The following SLC4A4 variants were observed in gnomAD, a reference collection of about 807,000 sequenced individuals.
SLC4A4 encodes the protein electrogenic sodium bicarbonate cotransporter 1.
In SLC4A4, 27 loss-of-function variants were observed where a neutral mutation model predicts 111.5. The observed-to-expected ratio is 0.24, with a 90% CI of 0.18 to 0.33. The LOEUF (loss-of-function observed/expected upper bound fraction) is 0.33. SLC4A4 is among the 10% of genes least tolerant of loss of function. SLC4A4 has a pLI of 1.00. For synonymous variants in SLC4A4, 443 were observed against 463.4 expected, an observed-to-expected ratio of 0.96 and a Z score of 0.57; for missense variants, 909 against 1,315.5, an observed-to-expected ratio of 0.69 and a Z score of 4.78.
intron 1 of SLC4A4, among the ~76,000 whole-genome samples, chr4:71,215,903 A>ATTT (rs990635246): frequency 3.9e-5 from 5 of 127,852 alleles, no homozygotes; most frequent in South Asian, 2.5e-4. Context: ...TGTCATTTCT[A>ATTT]TTTTTTTTTT....
chr4:71,082,557 A>G (rs1380887049), intron 1 of SLC4A4, among the ~76,000 whole-genome samples: 1 of 152,102 alleles, frequency 6.6e-6, no homozygotes, highest in Non-Finnish European at 1.5e-5. Flanking sequence ...AAGAGTATCT[A>G]TTTATCTATA....
chr4:71,405,293 G>A (rs1720742358), intron 7 of SLC4A4, among the ~76,000 whole-genome samples: 1 of 152,016 alleles, frequency 6.6e-6, no homozygotes, highest in Non-Finnish European at 1.5e-5. Context: ...ACTGCCATTA[G>A]CAGCTTGATG....
At chr4:71,526,169 G>A (rs1348078013) in intron 16 of SLC4A4, among the ~76,000 whole-genome samples, 1 of 151,940 alleles carries the variant, frequency 6.6e-6, no homozygotes, top group Non-Finnish European at 1.5e-5. Flanking sequence ...TCTCTAATTA[G>A]GGGATTTAGA....
intron 16 of SLC4A4, among the ~76,000 whole-genome samples, chr4:71,499,512 T>C (rs1730712202): frequency 6.6e-6 from 1 of 152,156 alleles, no homozygotes; most frequent in South Asian, 2.1e-4. Context: ...GCTATAGTCA[T>C]CATGCTGTGC....
chr4:71,391,461 T>C (rs1719256488), intron 6 of SLC4A4, among the ~76,000 whole-genome samples: 1 of 152,088 alleles, frequency 6.6e-6, no homozygotes, highest in Non-Finnish European at 1.5e-5. Context: ...TAACTAATAG[T>C]TATAATTGCA....
chr4:71,260,499 A>G (rs574020543), intron 3 of SLC4A4, among the ~76,000 whole-genome samples: 1 of 152,384 alleles, frequency 6.6e-6, no homozygotes, highest in Non-Finnish European at 1.5e-5. Flanking sequence ...TTTAAAAAAC[A>G]AAACACAAAC....
intron 1 of SLC4A4, among the ~76,000 whole-genome samples, chr4:71,085,128 T>A (rs924041860): frequency 2.0e-5 from 3 of 152,062 alleles, no homozygotes; most frequent in African/African-American, 7.3e-5. Flanking sequence ...CTCATTGTGG[T>A]TTTGATTTGC....
At chr4:71,462,494 T>C (rs1726934473) in intron 12 of SLC4A4, among the ~76,000 whole-genome samples, 1 of 149,250 alleles carries the variant, frequency 6.7e-6, no homozygotes, top group African/African-American at 2.5e-5. Context: ...CTGAAACCTC[T>C]GCCTCCTGGG....
chr4:71,538,753 C>T (rs923367672), intron 18 of SLC4A4, among the ~76,000 whole-genome samples: 1 of 152,022 alleles, frequency 6.6e-6, no homozygotes, highest in Non-Finnish European at 1.5e-5. Context: ...CACCTTTCCA[C>T]TCTGCTGAAC....
chr4:71,322,372 G>C (rs961774371), intron 3 of SLC4A4, among the ~76,000 whole-genome samples: 1 of 151,954 alleles, frequency 6.6e-6, no homozygotes, highest in African/African-American at 2.4e-5. Context: ...AGAGTCTATA[G>C]GAAGGAGAAT....
At chr4:71,240,706 CTAAT>C (rs1451956605) in intron 2 of SLC4A4, among the ~76,000 whole-genome samples, 4 of 152,032 alleles carry the variant, frequency 2.6e-5, no homozygotes, top group African/African-American at 9.7e-5. Context: ...TAGATATTCA[CTAAT>C]TATTTGTTAA....
chr4:71,200,810 A>G (rs1001488362), intron 1 of SLC4A4, among the ~76,000 whole-genome samples: 22 of 151,754 alleles, frequency 1.4e-4, no homozygotes, highest in Admixed American at 2.0e-4. Context: ...GTATAGTTAA[A>G]AAAAAAAAAG....
At chr4:71,442,391 C>T (rs887083595) in intron 8 of SLC4A4, among the ~76,000 whole-genome samples, 2 of 152,152 alleles carry the variant, frequency 1.3e-5, no homozygotes, top group Non-Finnish European at 2.9e-5. Context: ...ATAACTATTT[C>T]AGGGCAATAA....
At chr4:71,219,178 T>C (rs901292621) in intron 1 of SLC4A4, among the ~76,000 whole-genome samples, 14 of 152,230 alleles carry the variant, frequency 9.2e-5, no homozygotes, top group East Asian at 1.9e-4. Context: ...AAAGCCAAGA[T>C]AGGTCAAGAG....
intron 15 of SLC4A4, among the ~76,000 whole-genome samples, chr4:71,487,687 C>T (rs994989389): frequency 6.6e-6 from 1 of 151,600 alleles, no homozygotes; most frequent in African/African-American, 2.4e-5. Flanking sequence ...ATCAATCTTT[C>T]AGTTATAAAG....
chr4:71,379,178 T>G (rs1255375442), intron 6 of SLC4A4, among the ~76,000 whole-genome samples: 2 of 152,164 alleles, frequency 1.3e-5, no homozygotes, highest in African/African-American at 4.8e-5. Flanking sequence ...CTCAAAAACC[T>G]TTAGTGATGA....
At chr4:71,527,977 T>C (rs952513860) in intron 16 of SLC4A4, among the ~76,000 whole-genome samples, 29 of 151,632 alleles carry the variant, frequency 1.9e-4, no homozygotes, top group African/African-American at 7.0e-4. Context: ...TTTGGAGGAG[T>C]TGAAAGGAAA....
At chr4:71,513,387 G>A (rs1021515509) in intron 16 of SLC4A4, among the ~76,000 whole-genome samples, 2 of 151,760 alleles carry the variant, frequency 1.3e-5, no homozygotes, top group African/African-American at 4.8e-5. Context: ...TTATTGTATT[G>A]TATCTCTTGT....
chr4:71,136,141 C>T (rs565303860), intron 2 of SLC4A4, among the ~76,000 whole-genome samples: 11 of 152,178 alleles, frequency 7.2e-5, no homozygotes, highest in Middle Eastern at 3.2e-3. Flanking sequence ...CAGGTGTTTA[C>T]CACAAACCCT....
Sources: allele counts gnomAD v4.1 joint callset (sites outside exome capture counted in the v4.1 genomes callset), GRCh38; gene constraint gnomAD v4.1.1; transcripts MANE v1.5; gene names NCBI Gene and HGNC (gene_info 2026-07-23, HGNC 2026-07-21).